SWT1: variants seen among roughly 807,000 people sequenced by gnomAD.
SWT1 encodes transcriptional protein SWT1.
A neutral mutation model predicts 107.3 loss-of-function variants in SWT1; 33 were observed. The observed-to-expected ratio is 0.31, with a 90% confidence interval of 0.23 to 0.41. The LOEUF is 0.41. Among genes scored for constraint, SWT1 ranks in the 10% least tolerant of loss-of-function variants. The pLI, the probability that SWT1 is intolerant of heterozygous loss-of-function variation, is 1.00. For missense variants in SWT1, 898 were observed against 1,028.9 expected, an observed-to-expected ratio of 0.87 and a Z score of 1.74; for synonymous variants, 345 against 348.3, an observed-to-expected ratio of 0.99 and a Z score of 0.11.
chr1:185,194,196 CT>C (rs1265797417), intron 10 of SWT1, among the ~76,000 whole-genome samples: 1 of 152,028 alleles, frequency 6.6e-6, no homozygotes, highest in African/African-American at 2.4e-5. Context: ...AAGTAAGTTT[CT>C]TGTAGACATC....
intron 13 of SWT1, among the ~76,000 whole-genome samples, chr1:185,207,283 CTT>C (rs1658408696): frequency 6.6e-6 from 1 of 152,170 alleles, no homozygotes; most frequent in Non-Finnish European, 1.5e-5. Flanking sequence ...CAGTGAACAA[CTT>C]AGTTGTTTTT....
chr1:185,193,077 T>C (rs1657094893), intron 10 of SWT1, among the ~76,000 whole-genome samples: 1 of 152,212 alleles, frequency 6.6e-6, no homozygotes, highest in Non-Finnish European at 1.5e-5. Flanking sequence ...CAAATTTTAA[T>C]ATGTTGTGTT....
intron 4 of SWT1, among the ~76,000 whole-genome samples, chr1:185,169,969 A>G (rs944403352): frequency 6.6e-6 from 1 of 152,172 alleles, no homozygotes; most frequent in Non-Finnish European, 1.5e-5. Context: ...CTGAAGGCAG[A>G]GAAGAAATAT....
chr1:185,183,436 G>A (rs1032276818), intron 7 of SWT1, among the ~76,000 whole-genome samples: 3 of 151,786 alleles, frequency 2.0e-5, no homozygotes, highest in East Asian at 3.9e-4. Flanking sequence ...GACTACAGGC[G>A]TGTGCCACCA....
rs541451030 is a variant in SWT1, at chr1:185,269,076, T to C, written c.2442-2247T>C. Among the ~76,000 whole-genome samples, 7 of 152,158 alleles carry C rather than the reference T, an allele frequency of 4.6e-5. 1 individual carries two copies. Among genetic ancestry groups the C allele is most frequent in the African/African-American group, 1.7e-4 (7 of 41,546 alleles). On this transcript the variant is annotated intron_variant, in intron 16 of 18. Coordinates refer to ENST00000367500, the MANE Select transcript of SWT1 (RefSeq NM_017673.7). Reference sequence around the variant, plus strand: ...ACCGTGTTAGCCAGGATGGTCTCGATCTCCTGACCTCGTGATTTGCCCGCC... The same window carrying C: ...ACCGTGTTAGCCAGGATGGTCTCGACCTCCTGACCTCGTGATTTGCCCGCC...
chr1:185,222,238 A>G (rs970302115), intron 15 of SWT1, among the ~76,000 whole-genome samples: 4 of 152,136 alleles, frequency 2.6e-5, no homozygotes, highest in African/African-American at 9.7e-5. Context: ...TTCACTTAAC[A>G]TGATATTCTC....
At chr1:185,170,013 A>G (rs1654912665) in intron 4 of SWT1, among the ~76,000 whole-genome samples, 1 of 152,172 alleles carries the variant, frequency 6.6e-6, no homozygotes, top group Non-Finnish European at 1.5e-5. Context: ...ATTTGCACAG[A>G]AAGAGAAAAT....
intron 1 of SWT1, among the ~76,000 whole-genome samples, chr1:185,159,512 A>T (rs1653954348): frequency 6.6e-6 from 1 of 152,144 alleles, no homozygotes; most frequent in Non-Finnish European, 1.5e-5. Flanking sequence ...GTGGTTCAGA[A>T]TGAAAGAGTT....
chr1:185,181,254 C>T (rs1177136515), intron 6 of SWT1, among the ~76,000 whole-genome samples: 1 of 152,124 alleles, frequency 6.6e-6, no homozygotes, highest in East Asian at 1.9e-4. Context: ...GCTGACAGAG[C>T]AAGACTGTGT....
intron 2 of SWT1, 112 bp downstream of exon 2, chr1:185,161,037 C>A: frequency 1.3e-6 from 1 of 790,034 alleles, no homozygotes; most frequent in Non-Finnish European, 2.0e-6. Flanking sequence ...TTCTGCTCAG[C>A]CGATCCAGGA....
chr1:185,245,851 C>G (rs1035522059), intron 16 of SWT1, among the ~76,000 whole-genome samples: 3 of 151,532 alleles, frequency 2.0e-5, no homozygotes, highest in African/African-American at 7.3e-5. Flanking sequence ...TCACTGCAAC[C>G]TCTGCCTCCC....
chr1:185,243,836 TCC>T (rs1248235764), intron 16 of SWT1, among the ~76,000 whole-genome samples: 201 of 152,322 alleles, frequency 1.3e-3, no homozygotes, highest in Middle Eastern at 6.8e-3. Flanking sequence ...ATATATTTTC[TCC>T]AGCCAAATTG....
At position 185,174,436 on chromosome 1, in the gene SWT1, A is replaced by G. The variant is rs768468454; in HGVS notation, c.289A>G (p.Ile97Val). 1.2e-5 allele frequency: 19 copies of G among 1,602,604 alleles called. No homozygotes were observed. The Middle Eastern group carries it at 8.3e-4, about 70-fold the overall frequency. Residue 97 changes from isoleucine to valine, a missense_variant, in exon 5 of 19, where the codon ATT (isoleucine) becomes GTT (valine). This residue lies in a region of SWT1 where 382 missense variants were observed against 362.4 expected (regional missense o/e 1.05). Coordinates refer to ENST00000367500, the MANE Select transcript of SWT1 (RefSeq NM_017673.7). ...AATCGGTTCTTCATCCCAAAGACCT[A>G]TTAAACTCAAAGAAGCATCATATTC... Reference protein sequence around the residue: ...PKIGSSSQRPIKLKEASYSND... With the variant: ...PKIGSSSQRPVKLKEASYSND...
Position 185,243,146 on chromosome 1 carries a change from A to T in SWT1, c.2441+11438A>T, listed in dbSNP as rs180829913. Among the ~76,000 whole-genome samples the T allele has an allele frequency of 6.6e-5, 10 of 152,236 alleles. No individual in the cohort carries two copies. The East Asian group carries it at 1.7e-3, about 26-fold the overall frequency. On this transcript the variant is annotated intron_variant, in intron 16 of 18. Coordinates refer to ENST00000367500, the MANE Select transcript of SWT1 (RefSeq NM_017673.7). ...TGTTTTGAAACAGGGTTTCACTCGG[A>T]TGCCCAGGCTGGAGTGCAGTGCTGT... is the stretch of plus-strand genomic sequence containing the variant.
chr1:185,176,400 A>T (rs1310829377), intron 5 of SWT1, among the ~76,000 whole-genome samples: 1 of 151,940 alleles, frequency 6.6e-6, no homozygotes, highest in Non-Finnish European at 1.5e-5. Flanking sequence ...AGTGAGGTAG[A>T]ATGGGAGAAG....
At chr1:185,183,520 T>C (rs1002412539) in intron 7 of SWT1, among the ~76,000 whole-genome samples, 5 of 152,144 alleles carry the variant, frequency 3.3e-5, no homozygotes, top group African/African-American at 1.2e-4. Context: ...TGACCTCAGG[T>C]GATTGGCCCG....
At chr1:185,194,180 T>A (rs1020239816) in intron 10 of SWT1, among the ~76,000 whole-genome samples, 1 of 152,210 alleles carries the variant, frequency 6.6e-6, no homozygotes, top group Admixed American at 6.5e-5. Flanking sequence ...TACGCCTGTA[T>A]ATTTAAAGTA....
At chr1:185,178,101 G>A (rs775092294) in intron 5 of SWT1, among the ~76,000 whole-genome samples, 1 of 152,142 alleles carries the variant, frequency 6.6e-6, no homozygotes, top group Admixed American at 6.5e-5. Flanking sequence ...ATAAATCTCC[G>A]GGTGAGTTAA....
chr1:185,247,878 C>A (rs1390306977), intron 16 of SWT1, among the ~76,000 whole-genome samples: 1 of 151,292 alleles, frequency 6.6e-6, no homozygotes, highest in Non-Finnish European at 1.5e-5. Flanking sequence ...TTTTTTCCTT[C>A]CTAAAAAGCA....
Sources: allele counts gnomAD v4.1 joint callset (sites outside exome capture counted in the v4.1 genomes callset), GRCh38; gene constraint gnomAD v4.1.1; regional missense constraint gnomAD v4.1.1; transcripts MANE v1.5; gene names NCBI Gene and HGNC (gene_info 2026-07-23, HGNC 2026-07-21).